The following ERBIN variants were observed in gnomAD, a reference collection of about 807,000 sequenced individuals.
ERBIN encodes the protein densin-180-like protein.
In ERBIN, 60 loss-of-function variants were observed where a neutral mutation model predicts 158.4. The observed-to-expected ratio is 0.38, with a 90% CI of 0.31 to 0.47. The LOEUF is 0.47. Ranked by LOEUF, ERBIN falls within the 20% of genes least tolerant of loss-of-function variation. The probability of loss-of-function intolerance (pLI) is 0.99; values close to 1 mark genes in which losing one functional copy is unlikely to be tolerated. For synonymous variants in ERBIN, 594 were observed against 557.2 expected (o/e 1.07, Z -0.93); for missense variants, 1,610 against 1,648.0 (o/e 0.98, Z 0.40).
Position 66,081,103 on chromosome 5 carries a change from T to C in ERBIN, c.*2573T>C, listed in dbSNP as rs902597602. 13 of 152,008 alleles carry C rather than the reference T, an allele frequency of 8.6e-5. No individual in the cohort carries two copies. Among genetic ancestry groups the C allele is most frequent in the African/African-American group, 2.9e-4 (12 of 41,442 alleles). The allele number at this position is 152,008 out of a possible 1,614,324, so 9.4% of individuals were successfully genotyped here. ...TATACCCATAACTAACTTTAGTAAG[T>C]ATTATATAGCAATTCATCAAAACCA... On this transcript the variant is annotated 3_prime_UTR_variant, in exon 26 of 26. Coordinates refer to ENST00000284037, the MANE Select transcript of ERBIN (RefSeq NM_001253697.2).
chr5:66,028,242 G>T, intron 13 of ERBIN, 32 bp from the exon 14 acceptor site: 2 of 1,528,082 alleles, frequency 1.3e-6, no homozygotes, highest in Non-Finnish European at 1.8e-6. Flanking sequence ...TCATTTTAAA[G>T]TTTAATTTTT....
In ERBIN at chr5:66,054,016, A is replaced by G; in HGVS notation, c.2698A>G (p.Lys900Glu). ...ACCTCAGCAGCCAAGTACAACCGTTAAAATCACATCTGCTGTTGATGGAAA... is the reference window on the plus strand; with the variant it reads ...ACCTCAGCAGCCAAGTACAACCGTTGAAATCACATCTGCTGTTGATGGAAA... ...NGPQQPSTTV[K>E]ITSAVDGKNI... The change falls in exon 21 of 26, where the codon AAA (lysine) becomes GAA (glutamate). Residue 900 changes from lysine to glutamate, a missense_variant. Lys to Glu is a moderately conservative substitution (Grantham distance 56). Coordinates refer to ENST00000284037, the MANE Select transcript of ERBIN (RefSeq NM_001253697.2). 1.2e-6 allele frequency: 2 copies of G among 1,614,190 alleles called. No homozygotes were observed. The highest frequency in any genetic ancestry group is 1.7e-6 in the Non-Finnish European group (2 of 1,180,030).
At chr5:65,959,868 A>G (rs772579707) in intron 1 of ERBIN, among the ~76,000 whole-genome samples, 3 of 152,216 alleles carry the variant, frequency 2.0e-5, no homozygotes, top group Non-Finnish European at 4.4e-5. Flanking sequence ...ATGTTAGAAT[A>G]CTTTGCCATG....
rs535679118 is a variant in ERBIN, at chr5:65,930,468, C to T, written c.-58+3662C>T. 1.2e-4 allele frequency among the ~76,000 whole-genome samples: 19 copies of T among 152,228 alleles called. 1 individual carries two copies. In the East Asian group the frequency reaches 1.4e-3, roughly 11 times the overall value. ...GACTAGAGGCGCCCGCCACTGTGCC[C>T]GGCTAATTTTTTTGTATTTTTAGTA... On this transcript the variant is annotated intron_variant, in intron 1 of 25. Coordinates refer to ENST00000284037, the MANE Select transcript of ERBIN (RefSeq NM_001253697.2).
chr5:66,035,701 C>T lies in ERBIN; in HGVS notation c.1207-2682C>T, dbSNP rs145017825. Among the ~76,000 whole-genome samples the T allele has an allele frequency of 1.1e-3, 167 of 152,050 alleles. 1 individual carries two copies. The highest frequency in any genetic ancestry group is 3.8e-3 in the African/African-American group (157 of 41,484). On this transcript the variant is annotated intron_variant, in intron 14 of 25. Coordinates refer to ENST00000284037, the MANE Select transcript of ERBIN (RefSeq NM_001253697.2). ...ATATGGTCATATTCCTAATTTTTTT[C>T]GATTATATGTTAAAATGATATTTTG...
intron 1 of ERBIN, among the ~76,000 whole-genome samples, chr5:65,968,405 G>A (rs1344148184): frequency 6.6e-6 from 1 of 152,126 alleles, no homozygotes; most frequent in African/African-American, 2.4e-5. Context: ...AAGTACTAGA[G>A]TAGCATTCAG....
At chr5:66,063,927 TA>T (rs1760730414) in intron 21 of ERBIN, among the ~76,000 whole-genome samples, 1 of 152,226 alleles carries the variant, frequency 6.6e-6, no homozygotes, top group Non-Finnish European at 1.5e-5. Flanking sequence ...GGAAATTTGG[TA>T]TTTTCTTCAT....
At chr5:66,028,444 G>A (rs1756507610) in intron 14 of ERBIN, 101 bp downstream of exon 14, 1 of 766,254 alleles carries the variant, frequency 1.3e-6, no homozygotes, top group Non-Finnish European at 2.1e-6. Context: ...TATACATGTG[G>A]TACACATGTA....
At chr5:66,042,166 G>A (rs935542118) in intron 15 of ERBIN, among the ~76,000 whole-genome samples, 5 of 151,932 alleles carry the variant, frequency 3.3e-5, no homozygotes, top group Non-Finnish European at 7.4e-5. Flanking sequence ...AGTTTCTGGG[G>A]TTCTTTAAAG....
intron 4 of ERBIN, among the ~76,000 whole-genome samples, chr5:66,010,724 T>C (rs930075616): frequency 6.6e-6 from 1 of 152,212 alleles, no homozygotes; most frequent in African/African-American, 2.4e-5. Flanking sequence ...GTTAATCATA[T>C]CATGTTAATG....
intron 4 of ERBIN, among the ~76,000 whole-genome samples, chr5:65,995,510 C>CT (rs748924023): frequency 2.0e-5 from 3 of 151,100 alleles, no homozygotes; most frequent in Non-Finnish European, 4.4e-5. Flanking sequence ...ATCATATTTT[C>CT]TTCATTCATT....
intron 1 of ERBIN, among the ~76,000 whole-genome samples, chr5:65,962,071 G>T (rs777396217): frequency 6.6e-6 from 1 of 152,084 alleles, no homozygotes; most frequent in African/African-American, 2.4e-5. Context: ...TGACTATGTC[G>T]CATTTTTTAA....
At chr5:65,952,168 T>C (rs1256340877) in intron 1 of ERBIN, among the ~76,000 whole-genome samples, 2 of 152,178 alleles carry the variant, frequency 1.3e-5, no homozygotes, top group Admixed American at 6.5e-5. Context: ...ATATCTGTTA[T>C]ATTTTCACAT....
At chr5:66,052,020 A>G (rs1195374234) in intron 20 of ERBIN, among the ~76,000 whole-genome samples, 1 of 151,832 alleles carries the variant, frequency 6.6e-6, no homozygotes, top group Non-Finnish European at 1.5e-5. Flanking sequence ...CTTGGGCAAC[A>G]TGGTGAAACC....
intron 4 of ERBIN, among the ~76,000 whole-genome samples, chr5:66,009,084 A>G (rs370164201): frequency 2.5e-4 from 38 of 152,336 alleles, no homozygotes; most frequent in African/African-American, 8.9e-4. Context: ...ACAACTCCAC[A>G]TTGGCGTCTG....
chr5:66,042,185 G>A (rs1438640294), intron 15 of ERBIN, among the ~76,000 whole-genome samples: 1 of 151,800 alleles, frequency 6.6e-6, no homozygotes, highest in Non-Finnish European at 1.5e-5. Flanking sequence ...AGCTCATTTT[G>A]GGTACTTGTA....
chr5:66,047,164 C>G (rs538971835), intron 18 of ERBIN, among the ~76,000 whole-genome samples: 7 of 152,202 alleles, frequency 4.6e-5, no homozygotes, highest in Non-Finnish European at 1.0e-4. Context: ...AACCAAAAAT[C>G]TACTTTATAT....
chr5:66,076,340 C>A lies in ERBIN; in HGVS notation c.3988C>A (p.Pro1330Thr). The change falls in exon 24 of 26, where the codon CCA (proline) becomes ACA (threonine). Residue 1330 changes from proline to threonine, a missense_variant. Pro to Thr is a conservative substitution (Grantham distance 38). Transcript: ENST00000284037. ...QEIRVRVEKD[P>T]ELGFSISGGV... ...GATTCGAGTGAGGGTTGAAAAGGAT[C>A]CAGAACTTGGATTTAGCATATCAGG... 1 of 1,613,418 alleles carries A rather than the reference C, an allele frequency of 6.2e-7. No individual in the cohort carries two copies. Among genetic ancestry groups the A allele is most frequent in the Non-Finnish European group, 8.5e-7 (1 of 1,179,758 alleles).
Position 65,994,831 on chromosome 5 carries a change from A to G in ERBIN, c.274A>G (p.Ile92Val), listed in dbSNP as rs746768463. Reference protein sequence around the residue: ...TTLPASIANLINLRELDVSKN... With the variant: ...TTLPASIANLVNLRELDVSKN... ...GTTACCAGCATCCATTGCAAACCTT[A>G]TTAATCTCAGGGAACTGGATGTCAG... Residue 92 changes from isoleucine (I) to valine (V), a missense_variant, in exon 4 of 26, where the codon ATT becomes GTT. Physicochemically the swap from Ile to Val is conservative, Grantham distance 29. This residue lies in a region of ERBIN where 596 missense variants were observed against 711.9 expected (regional missense o/e 0.84). Coordinates refer to ENST00000284037, the MANE Select transcript of ERBIN (RefSeq NM_001253697.2). 6.2e-7 allele frequency: 1 copy of G among 1,608,042 alleles called. No homozygotes were observed. The highest frequency in any genetic ancestry group is 1.7e-5 in the Admixed American group (1 of 58,620).
Sources: allele counts gnomAD v4.1 joint callset (sites outside exome capture counted in the v4.1 genomes callset), GRCh38; gene constraint gnomAD v4.1.1; regional missense constraint gnomAD v4.1.1; transcripts MANE v1.5; gene names NCBI Gene and HGNC (gene_info 2026-07-23, HGNC 2026-07-21).